BTAF1: variants seen among roughly 807,000 people sequenced by gnomAD.
The protein encoded by BTAF1 is TATA-binding protein-associated factor 172.
A neutral mutation model predicts 227.1 loss-of-function variants in BTAF1; 38 were observed. The ratio of observed to expected loss-of-function variants is 0.17; its 90% CI spans 0.13 to 0.22. BTAF1 has a LOEUF of 0.22. Ranked by LOEUF, BTAF1 falls within the 10% of genes least tolerant of loss-of-function variation. The pLI, the probability that BTAF1 is intolerant of heterozygous loss-of-function variation, is 1.00. For missense variants in BTAF1, 1,598 were observed against 2,204.0 expected (o/e 0.73, Z 5.51); for synonymous variants, 742 against 751.9 (o/e 0.99, Z 0.21).
chr10:92,012,725 C>G lies in BTAF1; in HGVS notation c.4312-942C>G, dbSNP rs904987831. ...GGTGGAGGTTGCAGTGAGCCATGAT[C>G]GTGCCATTGCACTGCAGCCTGGGTG... is the stretch of plus-strand genomic sequence containing the variant. On this transcript the variant is annotated intron_variant, in intron 30 of 37. Transcript: ENST00000265990. Among the ~76,000 whole-genome samples the G allele has an allele frequency of 1.3e-4, 16 of 127,190 alleles. No homozygotes were observed. In the East Asian group the frequency reaches 1.7e-3, roughly 14 times the overall value. The allele number at this position is 127,190 out of a possible 152,430, so 83.4% of individuals were successfully genotyped here. A position where few individuals can be genotyped will look rare whatever the true frequency, so the allele number is the denominator to read the frequency against.
In BTAF1 at chr10:91,958,955, G is replaced by C. The variant is rs1846293236; in HGVS notation, c.901-110G>C. On this transcript the variant is annotated intron_variant, in intron 8 of 37. Coordinates refer to ENST00000265990, the MANE Select transcript of BTAF1 (RefSeq NM_003972.3). ...ATACATTCTTGTAAAGTTCCACTTA[G>C]TTTATTCTAATTTCTTAAAAATCCA... 5 of 920,358 alleles carry C rather than the reference G, an allele frequency of 5.4e-6. No individual in the cohort carries two copies. The Admixed American group carries it at 1.2e-4, about 23-fold the overall frequency. The allele number at this position is 920,358 out of a possible 1,614,324, so 57.0% of individuals were successfully genotyped here.
intron 1 of BTAF1, among the ~76,000 whole-genome samples, chr10:91,930,275 A>T (rs1844184582): frequency 6.6e-6 from 1 of 152,176 alleles, no homozygotes; most frequent in East Asian, 1.9e-4. Flanking sequence ...AGGTTGTTCG[A>T]TCAGGGATGG....
intron 25 of BTAF1, among the ~76,000 whole-genome samples, chr10:92,002,926 G>T (rs897620823): frequency 6.6e-6 from 1 of 152,070 alleles, no homozygotes; most frequent in Non-Finnish European, 1.5e-5. Flanking sequence ...TTGGGAGGCC[G>T]AGGTGGGTGG....
intron 6 of BTAF1, among the ~76,000 whole-genome samples, chr10:91,954,788 G>C (rs1232433252): frequency 6.6e-6 from 1 of 151,998 alleles, no homozygotes; most frequent in Non-Finnish European, 1.5e-5. Flanking sequence ...TAACTCCTTG[G>C]CTCAAGTGGT....
At chr10:91,952,659 TA>T (rs1372817832) in intron 5 of BTAF1, among the ~76,000 whole-genome samples, 1 of 152,054 alleles carries the variant, frequency 6.6e-6, no homozygotes, top group African/African-American at 2.4e-5. Context: ...GTGTATTTTT[TA>T]GGGTTGGGGG....
intron 3 of BTAF1, 52 bp from the exon 4 acceptor site, chr10:91,942,370 C>A: frequency 6.7e-7 from 1 of 1,482,506 alleles, no homozygotes. Context: ...TATTTTCTTT[C>A]ATTCCACACT....
intron 1 of BTAF1, among the ~76,000 whole-genome samples, chr10:91,924,407 C>T (rs1316589073): frequency 6.6e-6 from 1 of 152,116 alleles, no homozygotes; most frequent in African/African-American, 2.4e-5. Flanking sequence ...TCTTATCTTT[C>T]TCAGTATTCT....
intron 34 of BTAF1, among the ~76,000 whole-genome samples, chr10:92,021,485 G>C (rs1053529065): frequency 2.0e-5 from 3 of 151,980 alleles, no homozygotes; most frequent in African/African-American, 7.3e-5. Context: ...GCCAAAATGG[G>C]GGCATCATAG....
chr10:92,000,347 A>G (rs1259743844), intron 25 of BTAF1, among the ~76,000 whole-genome samples: 1 of 152,226 alleles, frequency 6.6e-6, no homozygotes, highest in Non-Finnish European at 1.5e-5. Flanking sequence ...TCTTTAAACA[A>G]AGGAGATGAT....
At chr10:92,010,116 G>A (rs1473501866) in intron 28 of BTAF1, among the ~76,000 whole-genome samples, 1 of 152,036 alleles carries the variant, frequency 6.6e-6, no homozygotes, top group Non-Finnish European at 1.5e-5. Flanking sequence ...ACAAAAAATT[G>A]TGCATTATGT....
chr10:91,944,850 C>T (rs1845251464), intron 4 of BTAF1, among the ~76,000 whole-genome samples: 1 of 152,188 alleles, frequency 6.6e-6, no homozygotes, highest in Admixed American at 6.5e-5. Context: ...ACTAGGACTG[C>T]ATATACAGTT....
At chr10:92,007,204 T>C (rs1589950825) in intron 25 of BTAF1, among the ~76,000 whole-genome samples, 1 of 148,944 alleles carries the variant, frequency 6.7e-6, no homozygotes. Flanking sequence ...TCAAGGTATT[T>C]TTTGTCTTTT....
At chr10:91,959,422 A>G (rs377280753) in intron 9 of BTAF1, 1 of 493,644 alleles carries the variant, frequency 2.0e-6, no homozygotes, top group Non-Finnish European at 3.1e-6. Context: ...TGTGCTTGAT[A>G]TGAGAACAAC....
chr10:91,944,690 A>G (rs1158439469), intron 4 of BTAF1, among the ~76,000 whole-genome samples: 2 of 152,194 alleles, frequency 1.3e-5, no homozygotes, highest in African/African-American at 2.4e-5. Flanking sequence ...AAGAAACCCC[A>G]TATCCTTAGC....
chr10:91,956,428 C>G (rs1846091056), intron 6 of BTAF1, 100 bp from the exon 7 acceptor site: 2 of 1,329,924 alleles, frequency 1.5e-6, no homozygotes, highest in Non-Finnish European at 2.0e-6. Context: ...GATGGATTAT[C>G]TTAAATTCAT....
rs72825321 is a variant in BTAF1 at position 92,031,380 on chromosome 10, C to T, written c.*2447C>T. ...CTGATTGAACTGGTATAGCCTTATT[C>T]CTTCTGGATGGTTTATATGAACTTA... On this transcript the variant is annotated 3_prime_UTR_variant, in exon 38 of 38. Transcript: ENST00000265990. Among the ~76,000 whole-genome samples, 376 of 152,222 alleles carry T rather than the reference C, an allele frequency of 2.5e-3. 1 individual carries two copies. The highest frequency in any genetic ancestry group is 6.8e-3 in the Middle Eastern group (2 of 294).
At chr10:91,938,439 G>T (rs943541960) in intron 2 of BTAF1, among the ~76,000 whole-genome samples, 4 of 152,078 alleles carry the variant, frequency 2.6e-5, no homozygotes, top group African/African-American at 9.7e-5. Flanking sequence ...GTTAATTTTT[G>T]TGTATGTTAA....
chr10:91,987,253 G>T (rs1848463888), intron 19 of BTAF1, among the ~76,000 whole-genome samples: 1 of 152,060 alleles, frequency 6.6e-6, no homozygotes, highest in African/African-American at 2.4e-5. Flanking sequence ...GGAGGCCGAG[G>T]TGGGTGGATC....
At position 91,940,080 on chromosome 10, in the gene BTAF1, G is replaced by A. The variant is rs1205037885; in HGVS notation, c.253+14G>A. On this transcript the variant is annotated intron_variant, in intron 3 of 37. Coordinates refer to ENST00000265990, the MANE Select transcript of BTAF1 (RefSeq NM_003972.3). ...GAACCAGACAAGGTGCTTTTAAGTG[G>A]AGAAAGTAGTTTTAAGTAAAAACCT... 5.8e-6 allele frequency: 9 copies of A among 1,561,502 alleles called. No homozygotes were observed. In the Admixed American group the frequency reaches 1.2e-4, roughly 21 times the overall value.
Sources: allele counts gnomAD v4.1 joint callset (sites outside exome capture counted in the v4.1 genomes callset), GRCh38; gene constraint gnomAD v4.1.1; transcripts MANE v1.5; gene names NCBI Gene and HGNC (gene_info 2026-07-23, HGNC 2026-07-21).